IFT56: variants seen among roughly 807,000 people sequenced by gnomAD.
The protein encoded by IFT56 is intraflagellar transport protein 56.
chr7:139,142,283 T>G, the IFT56 span: 1 of 1,614,116 alleles, frequency 6.2e-7, no homozygotes, highest in Admixed American at 1.7e-5. Context: ...CAAAACCGCC[T>G]CCTCTTCCAC....
At chr7:139,163,220 T>C in the IFT56 span, among the ~76,000 whole-genome samples, 1 of 150,790 alleles carries the variant, frequency 6.6e-6, no homozygotes, top group Non-Finnish European at 1.5e-5. Flanking sequence ...CGGGTGCCTT[T>C]AGTCCCAGCT....
At chr7:139,145,369 T>C in the IFT56 span, among the ~76,000 whole-genome samples, 1 of 145,448 alleles carries the variant, frequency 6.9e-6, no homozygotes, top group African/African-American at 2.7e-5. Flanking sequence ...CTTGGGATCT[T>C]GGTATCTCAA....
At chr7:139,167,940 C>T in the IFT56 span, among the ~76,000 whole-genome samples, 1 of 108,888 alleles carries the variant, frequency 9.2e-6, no homozygotes, top group Non-Finnish European at 2.2e-5. Flanking sequence ...GACTCGGTCT[C>T]AAAAAAAAAA....
At chr7:139,179,649 T>C in the IFT56 span, 17 of 1,606,316 alleles carry the variant, frequency 1.1e-5, no homozygotes, top group South Asian at 1.9e-4. Context: ...GTGCTGTGAG[T>C]CTTCTTTTTT....
At chr7:139,152,383 A>G in the IFT56 span, among the ~76,000 whole-genome samples, 2 of 152,158 alleles carry the variant, frequency 1.3e-5, no homozygotes, top group Non-Finnish European at 2.9e-5. Flanking sequence ...CACCTTGGGC[A>G]CCCAAAGCTC....
chr7:139,149,063 T>C, the IFT56 span, among the ~76,000 whole-genome samples: 1 of 151,988 alleles, frequency 6.6e-6, no homozygotes, highest in Non-Finnish European at 1.5e-5. Flanking sequence ...CCCAGCACTT[T>C]GGGAGGCTGA....
At chr7:139,169,299 T>C in the IFT56 span, 1 of 1,613,956 alleles carries the variant, frequency 6.2e-7, no homozygotes, top group African/African-American at 1.3e-5. Context: ...AGGGATCATA[T>C]GAAAATTGCC....
At chr7:139,188,315 G>T in the IFT56 span, among the ~76,000 whole-genome samples, 1 of 151,812 alleles carries the variant, frequency 6.6e-6, no homozygotes, top group Non-Finnish European at 1.5e-5. Context: ...TGGCCAGGCT[G>T]GTCTCAAACT....
chr7:139,178,303 G>T, the IFT56 span: 1 of 1,609,688 alleles, frequency 6.2e-7, no homozygotes, highest in Non-Finnish European at 8.5e-7. Flanking sequence ...CTCATTTAAG[G>T]TCAGTATAGA....
At chr7:139,154,001 T>C in the IFT56 span, among the ~76,000 whole-genome samples, 6 of 152,238 alleles carry the variant, frequency 3.9e-5, no homozygotes, top group African/African-American at 1.4e-4. Context: ...CCAACAGTTG[T>C]TATCATCTGA....
chr7:139,165,148 G>T, the IFT56 span: 1 of 1,613,282 alleles, frequency 6.2e-7, no homozygotes. Context: ...TTCCGAGGAG[G>T]TGAAGGGGCT....
the IFT56 span, among the ~76,000 whole-genome samples, chr7:139,141,977 A>G: frequency 3.9e-5 from 6 of 152,190 alleles, no homozygotes; most frequent in African/African-American, 7.2e-5. Context: ...TGCTACTACA[A>G]CCATGTGTGT....
At chr7:139,140,483 GA>G in the IFT56 span, among the ~76,000 whole-genome samples, 1 of 152,034 alleles carries the variant, frequency 6.6e-6, no homozygotes, top group African/African-American at 2.4e-5. Context: ...AAACATGGTA[GA>G]AAAAGTTAAA....
At chr7:139,161,084 A>G in the IFT56 span, 1 of 1,425,512 alleles carries the variant, frequency 7.0e-7, no homozygotes, top group Non-Finnish European at 9.7e-7. Flanking sequence ...ACATCACAGC[A>G]ATTAGAAAGA....
the IFT56 span, among the ~76,000 whole-genome samples, chr7:139,141,088 G>A: frequency 1.3e-5 from 2 of 151,220 alleles, no homozygotes; most frequent in Non-Finnish European, 2.9e-5. Flanking sequence ...GTGAAACCCC[G>A]TCTCTACTAA....
the IFT56 span, among the ~76,000 whole-genome samples, chr7:139,151,189 A>T: frequency 6.6e-6 from 1 of 152,208 alleles, no homozygotes; most frequent in African/African-American, 2.4e-5. Context: ...TTTTAATTAG[A>T]GTTTCCTACA....
the IFT56 span, among the ~76,000 whole-genome samples, chr7:139,156,988 T>C: frequency 6.6e-6 from 1 of 152,202 alleles, no homozygotes; most frequent in South Asian, 2.1e-4. Context: ...AAAACAAGCC[T>C]GCCAAATCCA....
the IFT56 span, among the ~76,000 whole-genome samples, chr7:139,177,127 G>A: frequency 4.1e-5 from 6 of 148,128 alleles, no homozygotes; most frequent in African/African-American, 7.5e-5. Flanking sequence ...AGCCAAGATC[G>A]CACCACTGCA....
the IFT56 span, among the ~76,000 whole-genome samples, chr7:139,151,886 A>T: frequency 2.6e-5 from 4 of 151,988 alleles, no homozygotes; most frequent in African/African-American, 9.7e-5. Flanking sequence ...ACATGATGGA[A>T]CCCCATCTCT....
Sources: gnomAD v4.1 joint callset for allele counts (sites outside exome capture counted in the v4.1 genomes callset) on GRCh38, gnomAD v4.1.1 for gene constraint, MANE v1.5 for transcripts, NCBI Gene and HGNC (gene_info 2026-07-23, HGNC 2026-07-21) for gene names.